The following NUBPL variants were observed in gnomAD, a reference collection of about 807,000 sequenced individuals.
The protein encoded by NUBPL is NUBP iron-sulfur cluster assembly factor, mitochondrial.
In NUBPL, 31 loss-of-function variants were observed where a neutral mutation model predicts 45.7. The ratio of observed to expected loss-of-function variants is 0.68; its 90% CI spans 0.51 to 0.92. The LOEUF (loss-of-function observed/expected upper bound fraction) is 0.92, where lower values mean the gene tolerates loss of function less well. NUBPL is among the 40% of genes least tolerant of loss of function. NUBPL has a pLI of 0.00. For missense variants in NUBPL, 401 were observed against 398.7 expected (o/e 1.01, Z -0.05); for synonymous variants, 144 against 140.9 (o/e 1.02, Z -0.15).
chr14:31,678,152 G>A (rs2036745723), intron 6 of NUBPL, among the ~76,000 whole-genome samples: 1 of 152,158 alleles, frequency 6.6e-6, no homozygotes, highest in Non-Finnish European at 1.5e-5. Flanking sequence ...GGGCTCTTCA[G>A]TCAGCTCGTG....
At chr14:31,726,435 T>C (rs138043358) in intron 6 of NUBPL, among the ~76,000 whole-genome samples, 1 of 152,374 alleles carries the variant, frequency 6.6e-6, no homozygotes, top group African/African-American at 2.4e-5. Context: ...AAAATAAATA[T>C]ATTTCAAAAA....
At position 31,613,534 on chromosome 14, in the gene NUBPL, C is replaced by T. The variant is rs546030030; in HGVS notation, c.382+14155C>T. 1.0e-3 allele frequency among the ~76,000 whole-genome samples: 156 copies of T among 152,182 alleles called. 1 individual carries two copies. The highest frequency in any genetic ancestry group is 3.6e-3 in the African/African-American group (150 of 41,520). On this transcript the variant is annotated intron_variant, in intron 4 of 10. Transcript: ENST00000281081. ...TGGTGCGATCTCAGGTCACAGCAACCTCTGCCTCCCAGGTTCCCGTTCAAG... is the reference window on the plus strand; with the variant it reads ...TGGTGCGATCTCAGGTCACAGCAACTTCTGCCTCCCAGGTTCCCGTTCAAG...
chr14:31,857,063 A>G (rs2040634019), intron 10 of NUBPL, among the ~76,000 whole-genome samples: 1 of 152,192 alleles, frequency 6.6e-6, no homozygotes, highest in African/African-American at 2.4e-5. Context: ...CCTCGCCCCT[A>G]CAGCAAACTT....
intron 6 of NUBPL, among the ~76,000 whole-genome samples, chr14:31,751,002 G>A (rs972757891): frequency 4.6e-5 from 7 of 151,962 alleles, no homozygotes; most frequent in African/African-American, 1.7e-4. Context: ...GAGTGAAGAG[G>A]GAAGTACTAC....
chr14:31,662,128 C>T (rs916485628), intron 4 of NUBPL: 2 of 151,938 alleles, frequency 1.3e-5, no homozygotes, highest in Non-Finnish European at 2.9e-5. Context: ...AGTTTAGGTG[C>T]TGCCAAAGTG....
chr14:31,649,169 A>G (rs1834813334), intron 4 of NUBPL, among the ~76,000 whole-genome samples: 1 of 152,208 alleles, frequency 6.6e-6, no homozygotes, highest in Non-Finnish European at 1.5e-5. Flanking sequence ...AATATGAAAG[A>G]TGTAAAATAA....
At chr14:31,663,140 C>T (rs994741822) in intron 4 of NUBPL, among the ~76,000 whole-genome samples, 2 of 151,994 alleles carry the variant, frequency 1.3e-5, no homozygotes, top group South Asian at 2.1e-4. Flanking sequence ...GTTTATTAGA[C>T]CTTTGTCAGA....
At chr14:31,665,203 G>T (rs1301291730) in intron 4 of NUBPL, among the ~76,000 whole-genome samples, 1 of 151,890 alleles carries the variant, frequency 6.6e-6, no homozygotes, top group Non-Finnish European at 1.5e-5. Context: ...TTTTTGAAGG[G>T]TTTTTCGTGT....
chr14:31,632,865 G>C (rs938764759), intron 4 of NUBPL, among the ~76,000 whole-genome samples: 1 of 152,134 alleles, frequency 6.6e-6, no homozygotes, highest in African/African-American at 2.4e-5. Flanking sequence ...AAATATTCAC[G>C]TCCATAAAAG....
intron 6 of NUBPL, among the ~76,000 whole-genome samples, chr14:31,761,102 A>G (rs2038798378): frequency 6.6e-6 from 1 of 152,226 alleles, no homozygotes; most frequent in African/African-American, 2.4e-5. Flanking sequence ...GAGGTGTGTG[A>G]AAAATGTTTT....
At chr14:31,832,765 T>A (rs2040213515) in intron 8 of NUBPL, among the ~76,000 whole-genome samples, 1 of 152,196 alleles carries the variant, frequency 6.6e-6, no homozygotes, top group Non-Finnish European at 1.5e-5. Context: ...GCTGAGGAGT[T>A]TGAATTGTAG....
At chr14:31,653,369 A>C (rs1011699664) in intron 4 of NUBPL, among the ~76,000 whole-genome samples, 2 of 152,164 alleles carry the variant, frequency 1.3e-5, no homozygotes, top group African/African-American at 4.8e-5. Context: ...TGCATAAGAC[A>C]GACACTCCCA....
chr14:31,766,869 A>G (rs2038921675), intron 6 of NUBPL, among the ~76,000 whole-genome samples: 1 of 152,216 alleles, frequency 6.6e-6, no homozygotes, highest in Non-Finnish European at 1.5e-5. Flanking sequence ...AGTCTGATTC[A>G]TTAGAAGTTC....
chr14:31,625,799 C>T (rs2035190670), intron 4 of NUBPL, among the ~76,000 whole-genome samples: 1 of 151,952 alleles, frequency 6.6e-6, no homozygotes, highest in Admixed American at 6.6e-5. Context: ...GGTTCATAGT[C>T]CAGTGGGGGA....
At chr14:31,792,465 A>G (rs1313864367) in intron 7 of NUBPL, among the ~76,000 whole-genome samples, 6 of 106,506 alleles carry the variant, frequency 5.6e-5, no homozygotes, top group African/African-American at 2.2e-4. Context: ...TGAAGAGACC[A>G]GTATTATCTT....
chr14:31,805,370 A>G (rs962461535), intron 7 of NUBPL, among the ~76,000 whole-genome samples: 1 of 152,230 alleles, frequency 6.6e-6, no homozygotes, highest in Non-Finnish European at 1.5e-5. Flanking sequence ...TTCCTCAAAG[A>G]GCTAAAGACA....
At chr14:31,811,932 C>T (rs2039813730) in intron 7 of NUBPL, among the ~76,000 whole-genome samples, 1 of 152,322 alleles carries the variant, frequency 6.6e-6, no homozygotes, top group East Asian at 1.9e-4. Flanking sequence ...CCCTGTTTTC[C>T]TGGGTTTCAC....
At chr14:31,809,046 G>A (rs530195440) in intron 7 of NUBPL, among the ~76,000 whole-genome samples, 23 of 151,638 alleles carry the variant, frequency 1.5e-4, no homozygotes, top group African/African-American at 4.3e-4. Flanking sequence ...TTTTTGCATC[G>A]ATGTTCATCA....
At chr14:31,623,913 G>T (rs1566455601) in intron 4 of NUBPL, among the ~76,000 whole-genome samples, 1 of 152,136 alleles carries the variant, frequency 6.6e-6, no homozygotes, top group Non-Finnish European at 1.5e-5. Flanking sequence ...TACCCTCTTG[G>T]GTTTGTTTGA....
Sources: gnomAD v4.1 joint callset for allele counts (sites outside exome capture counted in the v4.1 genomes callset) on GRCh38, gnomAD v4.1.1 for gene constraint, MANE v1.5 for transcripts, NCBI Gene and HGNC (gene_info 2026-07-23, HGNC 2026-07-21) for gene names.